The following AKT3 variants were observed in gnomAD, a reference collection of about 807,000 sequenced individuals.
AKT3 encodes AKT serine/threonine kinase 3.
A neutral mutation model predicts 65.3 loss-of-function variants in AKT3; 15 were observed. The ratio of observed to expected loss-of-function variants is 0.23; its 90% CI spans 0.15 to 0.35. The LOEUF is 0.35. Ranked by LOEUF, AKT3 falls within the 10% of genes least tolerant of loss-of-function variation. The probability of loss-of-function intolerance (pLI) is 1.00; values close to 1 mark genes in which losing one functional copy is unlikely to be tolerated. For missense variants in AKT3, 243 were observed against 576.5 expected, an observed-to-expected ratio of 0.42 and a Z score of 5.92; for synonymous variants, 206 against 183.8, an observed-to-expected ratio of 1.12 and a Z score of -0.98.
intron 2 of AKT3, among the ~76,000 whole-genome samples, chr1:243,744,633 G>T (rs1688365529): frequency 6.6e-6 from 1 of 151,018 alleles, no homozygotes; most frequent in Admixed American, 6.6e-5. Context: ...CAGCTACTTG[G>T]GAGGCTGAGG....
intron 6 of AKT3, among the ~76,000 whole-genome samples, chr1:243,633,395 T>C (rs1316425239): frequency 6.6e-6 from 1 of 152,192 alleles, no homozygotes; most frequent in Non-Finnish European, 1.5e-5. Context: ...GTAATACCAC[T>C]TTTTGCTTTC....
At chr1:243,643,691 T>C (rs1680605954) in intron 5 of AKT3, among the ~76,000 whole-genome samples, 1 of 152,232 alleles carries the variant, frequency 6.6e-6, no homozygotes, top group African/African-American at 2.4e-5. Flanking sequence ...ACGAACCCTA[T>C]TTCATGCAAG....
At chr1:243,786,774 T>C (rs1439413733) in intron 2 of AKT3, among the ~76,000 whole-genome samples, 1 of 152,176 alleles carries the variant, frequency 6.6e-6, no homozygotes, top group Non-Finnish European at 1.5e-5. Flanking sequence ...CAGCCCTTCC[T>C]ACTCACCCAC....
At chr1:243,758,123 T>C (rs1443359124) in intron 2 of AKT3, among the ~76,000 whole-genome samples, 3 of 152,218 alleles carry the variant, frequency 2.0e-5, no homozygotes, top group East Asian at 1.9e-4. Context: ...GCATTTGTTA[T>C]TCACTTGACA....
intron 6 of AKT3, 90 bp downstream of exon 6, chr1:243,637,521 T>C (rs988971403): frequency 5.3e-6 from 6 of 1,140,368 alleles, no homozygotes; most frequent in African/African-American, 4.8e-5. Context: ...TTAATGGAAT[T>C]TGCATACATT....
At chr1:243,667,082 T>A (rs1244099031) in intron 3 of AKT3, among the ~76,000 whole-genome samples, 1 of 152,092 alleles carries the variant, frequency 6.6e-6, no homozygotes, top group African/African-American at 2.4e-5. Flanking sequence ...AAATTTGAAA[T>A]ACAATCTCCA....
intron 2 of AKT3, among the ~76,000 whole-genome samples, chr1:243,783,643 G>A (rs1232851464): frequency 1.3e-5 from 2 of 152,116 alleles, no homozygotes; most frequent in African/African-American, 4.8e-5. Context: ...TGGTGAAAAA[G>A]TACGACAAAG....
intron 8 of AKT3, among the ~76,000 whole-genome samples, chr1:243,574,006 G>C (rs1674750440): frequency 6.6e-6 from 1 of 152,094 alleles, no homozygotes. Context: ...ACAGTGCTGA[G>C]TATATTGCCA....
chr1:243,545,573 T>A lies in AKT3; in HGVS notation c.1188A>T (p.Ala396=), dbSNP rs2148449286. 1 of 1,612,798 alleles carries A rather than the reference T, an allele frequency of 6.2e-7. No homozygotes were observed. Among genetic ancestry groups the A allele is most frequent in the East Asian group, 2.2e-5 (1 of 44,774 alleles). The part of the protein sequence containing the change: ...NKRLGGGPDD[A]KEIMRHSFFS... The stretch of plus-strand genomic sequence containing the variant: ...AGAAACTGTGTCTCATAATTTCTTT[T>A]GCATCATCTGGTCCTCCACCAAGGC... The change falls in exon 12 of 14, where the codon GCA becomes GCT. Residue 396 remains alanine (A), a synonymous_variant. Transcript: ENST00000673466.
chr1:243,502,774 G>A lies in AKT3; in HGVS notation c.*2475C>T, dbSNP rs1472059096. ...AGTGACTGAGCCCCAGGCATGGCTGGGAACTGAGAGCCAGTGTGAGGAGTG... is the reference window on the plus strand; with the variant it reads ...AGTGACTGAGCCCCAGGCATGGCTGAGAACTGAGAGCCAGTGTGAGGAGTG... On this transcript the variant is annotated 3_prime_UTR_variant, in exon 14 of 14. Coordinates refer to ENST00000673466, the MANE Select transcript of AKT3 (RefSeq NM_005465.7). 8.6e-6 allele frequency: 2 copies of A among 233,220 alleles called. No individual in the cohort carries two copies. Among genetic ancestry groups the A allele is most frequent in the African/African-American group, 2.2e-5 (1 of 45,358 alleles). The allele number at this position is 233,220 out of a possible 1,614,324, so 14.4% of individuals were successfully genotyped here. A position where few individuals can be genotyped will look rare whatever the true frequency, so the allele number is the denominator to read the frequency against.
In AKT3 at chr1:243,503,121, T is replaced by C. The variant is rs1669426164; in HGVS notation, c.*2128A>G. ...CAAGTGAAAAAAAAAAGATTAGCTATGTGTGTAAGTAAGAATGAACTACCA... is the reference window on the plus strand; with the variant it reads ...CAAGTGAAAAAAAAAAGATTAGCTACGTGTGTAAGTAAGAATGAACTACCA... On this transcript the variant is annotated 3_prime_UTR_variant, in exon 14 of 14. Transcript: ENST00000673466. 2 of 233,228 alleles carry C rather than the reference T, an allele frequency of 8.6e-6. No homozygotes were observed. The highest frequency in any genetic ancestry group is 1.7e-5 in the Non-Finnish European group (2 of 117,974). 14.4% of individuals were successfully genotyped at this position (233,228 alleles called of 1,614,324 possible).
chr1:243,676,752 A>G (rs1683549712), intron 3 of AKT3, among the ~76,000 whole-genome samples: 1 of 152,046 alleles, frequency 6.6e-6, no homozygotes, highest in Non-Finnish European at 1.5e-5. Flanking sequence ...ACCAACATTC[A>G]TGTTAACAGT....
At chr1:243,844,518 A>G (rs1695427408) in intron 1 of AKT3, among the ~76,000 whole-genome samples, 1 of 152,314 alleles carries the variant, frequency 6.6e-6, no homozygotes, top group African/African-American at 2.4e-5. Context: ...TCCCCCCATC[A>G]TCCAGGCTAG....
chr1:243,582,526 A>G (rs1675456181), intron 8 of AKT3, among the ~76,000 whole-genome samples: 1 of 152,186 alleles, frequency 6.6e-6, no homozygotes, highest in African/African-American at 2.4e-5. Flanking sequence ...TAAGTGAATA[A>G]GAAGTAAAAT....
rs199934849 is a variant in AKT3, at chr1:243,500,642, G to GTTA, written c.*4606_*4607insTAA. The GTTA allele has an allele frequency of 9.7e-3, 2,229 of 230,238 alleles. 37 individuals carry two copies. Among genetic ancestry groups the GTTA allele is most frequent in the African/African-American group, 0.046 (2,067 of 45,256 alleles). The allele number at this position is 230,238 out of a possible 1,614,324, so 14.3% of individuals were successfully genotyped here. ...CTAAAGGCAAGGCTGCAGTTAGTTA[G>GTTA]GACAGGTCCCTGACCTTCGGCTGCC... On this transcript the variant is annotated 3_prime_UTR_variant, in exon 14 of 14. Transcript: ENST00000673466.
intron 12 of AKT3, among the ~76,000 whole-genome samples, chr1:243,536,992 C>CT (rs1671982010): frequency 6.6e-6 from 1 of 152,156 alleles, no homozygotes; most frequent in African/African-American, 2.4e-5. Context: ...AGCTTACAAT[C>CT]ATTAACCTCT....
At chr1:243,718,671 C>T (rs1360810331) in intron 2 of AKT3, among the ~76,000 whole-genome samples, 1 of 151,314 alleles carries the variant, frequency 6.6e-6, no homozygotes, top group Admixed American at 6.6e-5. Flanking sequence ...GACGGGGTTT[C>T]ACCGTGTTAG....
At chr1:243,709,115 C>T (rs1177880075) in intron 2 of AKT3, among the ~76,000 whole-genome samples, 1 of 151,164 alleles carries the variant, frequency 6.6e-6, no homozygotes, top group Non-Finnish European at 1.5e-5. Context: ...ATACAAAACA[C>T]TGAGTAACTT....
intron 2 of AKT3, among the ~76,000 whole-genome samples, chr1:243,720,224 A>C (rs780040146): frequency 1.3e-5 from 2 of 152,198 alleles, no homozygotes; most frequent in Middle Eastern, 3.4e-3. Flanking sequence ...ACTTGAACCC[A>C]GGAGGTGAGG....
Sources: gnomAD v4.1 joint callset for allele counts (sites outside exome capture counted in the v4.1 genomes callset) on GRCh38, gnomAD v4.1.1 for gene constraint, MANE v1.5 for transcripts, NCBI Gene and HGNC (gene_info 2026-07-23, HGNC 2026-07-21) for gene names.